C16orf96: variants seen among roughly 807,000 people sequenced by gnomAD.
C16orf96 encodes the protein uncharacterized protein C16orf96.
In C16orf96, 108 loss-of-function variants were observed where a neutral mutation model predicts 103.6. The ratio of observed to expected loss-of-function variants is 1.04; its 90% confidence interval spans 0.89 to 1.22. The LOEUF (loss-of-function observed/expected upper bound fraction) is 1.22, where lower values mean the gene tolerates loss of function less well. Among genes scored for constraint, C16orf96 ranks in the 50% most tolerant of loss-of-function variants. The pLI, the probability that C16orf96 is intolerant of heterozygous loss-of-function variation, is 0.00. For missense variants in C16orf96, 1,586 were observed against 1,464.2 expected (o/e 1.08, Z -1.36); for synonymous variants, 566 against 593.5 (o/e 0.95, Z 0.67).
intron 14 of C16orf96, among the ~76,000 whole-genome samples, chr16:4,597,744 A>G (rs1168583583): frequency 6.6e-6 from 1 of 151,998 alleles, no homozygotes; most frequent in Non-Finnish European, 1.5e-5. Flanking sequence ...TTTAGTACAG[A>G]TGGGGTTTTG....
At chr16:4,554,513 G>T (rs2059245782), upstream of C16orf96, among the ~76,000 whole-genome samples, 3 of 151,314 alleles carry the variant, frequency 2.0e-5, no homozygotes, top group African/African-American at 7.3e-5. Flanking sequence ...ACCATGCCTG[G>T]CTAATTTTTT....
At chr16:4,597,521 A>G (rs1471702040) in intron 14 of C16orf96, among the ~76,000 whole-genome samples, 1 of 150,982 alleles carries the variant, frequency 6.6e-6, no homozygotes, top group Non-Finnish European at 1.5e-5. Flanking sequence ...CCACACAGCA[A>G]GCCAGGACTT....
At chr16:4,599,966 C>A in intron 15 of C16orf96, 134 bp from the exon 16 acceptor site, 1 of 924,334 alleles carries the variant, frequency 1.1e-6, no homozygotes, top group Non-Finnish European at 1.6e-6. Context: ...AGGTATGGTG[C>A]CCAGCCGGCC....
intron 1 of C16orf96, among the ~76,000 whole-genome samples, chr16:4,567,860 G>A (rs1208038677): frequency 6.6e-6 from 1 of 151,370 alleles, no homozygotes; most frequent in Admixed American, 6.6e-5. Context: ...ACCACACCCA[G>A]CTAATTTTTG....
At chr16:4,571,884 C>CGG (rs1269847199) in intron 2 of C16orf96, among the ~76,000 whole-genome samples, 2 of 149,832 alleles carry the variant, frequency 1.3e-5, no homozygotes, top group African/African-American at 2.5e-5. Context: ...GAGTCTCACT[C>CGG]TGTTGCCCAG....
At chr16:4,549,677 A>C in the C16orf96 span, among the ~76,000 whole-genome samples, 11 of 151,988 alleles carry the variant, frequency 7.2e-5, no homozygotes, top group Non-Finnish European at 1.6e-4. Flanking sequence ...GGGCGCCTGC[A>C]ATCCCAACTA....
At chr16:4,550,320 C>T in the C16orf96 span, among the ~76,000 whole-genome samples, 1 of 152,006 alleles carries the variant, frequency 6.6e-6, no homozygotes, top group Non-Finnish European at 1.5e-5. Flanking sequence ...AGTGACCTCA[C>T]GTGATCCGCC....
At position 4,600,281 on chromosome 16, in the gene C16orf96, C is replaced by A; in HGVS notation, c.3390C>A (p.Val1130=). The A allele has an allele frequency of 2.6e-6, 4 of 1,551,138 alleles. No homozygotes were observed. Among genetic ancestry groups the A allele is most frequent in the Non-Finnish European group, 3.5e-6 (4 of 1,146,918 alleles). The part of the protein sequence containing the change: ...LSRAPHIESR[V]GRKPPEEPAN... ...GAGCTCCACACATTGAGTCCCGAGT[C>A]GGCAGGAAGCCCCCCGAGGAGCCCG... The change falls in exon 16 of 16, where the codon GTC becomes GTA. Residue 1130 remains valine, a synonymous_variant. Transcript: ENST00000444310.
rs1388754000 is a variant in C16orf96, at chr16:4,559,067, G to A, written c.420+2158G>A. Reference sequence around the variant, plus strand: ...ACCACTGCCCTTCAGCCTGGGTGACGGAGAAAGTCTTGTCTCCAAAAAGGA... The same window carrying A: ...ACCACTGCCCTTCAGCCTGGGTGACAGAGAAAGTCTTGTCTCCAAAAAGGA... On this transcript the variant is annotated intron_variant, in intron 1 of 15. Transcript: ENST00000444310. Among the ~76,000 whole-genome samples the A allele has an allele frequency of 2.6e-5, 4 of 151,956 alleles. No homozygotes were observed. The East Asian group carries it at 5.8e-4, about 22-fold the overall frequency.
Position 4,600,538 on chromosome 16 carries a change from A to G in C16orf96, c.*221A>G. Reference sequence around the variant, plus strand: ...CCCTCCACGTCCGAGGCTGAGACCCATATGCCCCCCCCACCCCCACCAAGT... The same window carrying G: ...CCCTCCACGTCCGAGGCTGAGACCCGTATGCCCCCCCCACCCCCACCAAGT... On this transcript the variant is annotated 3_prime_UTR_variant, in exon 16 of 16. Coordinates refer to ENST00000444310, the MANE Select transcript of C16orf96 (RefSeq NM_001145011.2). 1 of 389,278 alleles carries G rather than the reference A, an allele frequency of 2.6e-6. No individual in the cohort carries two copies. Among genetic ancestry groups the G allele is most frequent in the South Asian group, 2.2e-5 (1 of 44,998 alleles). 24.1% of individuals were successfully genotyped at this position (389,278 alleles called of 1,614,324 possible).
At position 4,575,622 on chromosome 16, in the gene C16orf96, C is replaced by T. The variant is rs2059494976; in HGVS notation, c.1142C>T (p.Pro381Leu). 5 of 1,522,878 alleles carry T rather than the reference C, an allele frequency of 3.3e-6. No homozygotes were observed. The highest frequency in any genetic ancestry group is 1.4e-5 in the African/African-American group (1 of 72,478). 94.3% of individuals were successfully genotyped at this position (1,522,878 alleles called of 1,614,324 possible). Residue 381 changes from proline (P) to leucine (L), a missense_variant, in exon 5 of 16, where the codon CCA becomes CTA. Coordinates refer to ENST00000444310, the MANE Select transcript of C16orf96 (RefSeq NM_001145011.2). ...GTGCCTGCCCCAGGTGCCCAGCCTCCACCACTGGGAGACTGGCCTGCACTC... is the reference window on the plus strand; with the variant it reads ...GTGCCTGCCCCAGGTGCCCAGCCTCTACCACTGGGAGACTGGCCTGCACTC... ...GPVPAPGAQP[P>L]PLGDWPALPR...
At chr16:4,538,882 C>G in the C16orf96 span, 1 of 152,246 alleles carries the variant, frequency 6.6e-6, no homozygotes, top group Non-Finnish European at 1.5e-5. Context: ...TCAGTGGGAG[C>G]GGAGGCGATT....
At chr16:4,557,394 T>A (rs972489777) in intron 1 of C16orf96, among the ~76,000 whole-genome samples, 1 of 152,100 alleles carries the variant, frequency 6.6e-6, no homozygotes, top group Admixed American at 6.6e-5. Flanking sequence ...CATCAAGTAT[T>A]GCAAAGAAGC....
chr16:4,598,740 A>G (rs1312140861), intron 14 of C16orf96, among the ~76,000 whole-genome samples: 2 of 152,206 alleles, frequency 1.3e-5, no homozygotes, highest in African/African-American at 4.8e-5. Context: ...ACTGTGCTGA[A>G]ATCACGTCAC....
At chr16:4,567,287 T>C (rs1254036776) in intron 1 of C16orf96, among the ~76,000 whole-genome samples, 2 of 135,426 alleles carry the variant, frequency 1.5e-5, no homozygotes, top group African/African-American at 2.7e-5. Context: ...TTTCTTTTTT[T>C]TTTTTTTTTT....
chr16:4,544,018 G>C, the C16orf96 span, among the ~76,000 whole-genome samples: 1 of 152,158 alleles, frequency 6.6e-6, no homozygotes, highest in Non-Finnish European at 1.5e-5. Flanking sequence ...CCACTGGGAA[G>C]GGAAGGGGCT....
chr16:4,582,890 C>T lies in C16orf96; in HGVS notation c.2352+2765C>T, dbSNP rs531897936. ...CTGCCACGTGTGCCAAAACAGAGCA[C>T]ATCCCTTGTCCCAGGACCGTTGTCC... On this transcript the variant is annotated intron_variant, in intron 7 of 15. Coordinates refer to ENST00000444310, the MANE Select transcript of C16orf96 (RefSeq NM_001145011.2). 7.2e-5 allele frequency among the ~76,000 whole-genome samples: 11 copies of T among 152,312 alleles called. No homozygotes were observed. The East Asian group carries it at 2.1e-3, about 29-fold the overall frequency.
At chr16:4,542,768 G>C in the C16orf96 span, among the ~76,000 whole-genome samples, 1 of 152,046 alleles carries the variant, frequency 6.6e-6, no homozygotes, top group Non-Finnish European at 1.5e-5. Context: ...TTGCACTCCA[G>C]CCTGGGCGAC....
At chr16:4,555,396 C>G (rs934976102), upstream of C16orf96, among the ~76,000 whole-genome samples, 1 of 151,094 alleles carries the variant, frequency 6.6e-6, no homozygotes, top group African/African-American at 2.4e-5. Context: ...TCTTTTGAGA[C>G]GGAGTCTCGC....
Sources: allele counts gnomAD v4.1 joint callset (sites outside exome capture counted in the v4.1 genomes callset), GRCh38; gene constraint gnomAD v4.1.1; transcripts MANE v1.5; gene names NCBI Gene and HGNC (gene_info 2026-07-23, HGNC 2026-07-21).